PSD: variants seen among roughly 807,000 people sequenced by gnomAD.
PSD encodes the protein PH and SEC7 domain-containing protein 1.
A neutral mutation model predicts 91.6 loss-of-function variants in PSD; 32 were observed. The observed-to-expected ratio is 0.35, with a 90% CI of 0.26 to 0.47. The LOEUF is 0.47. PSD is among the 20% of genes least tolerant of loss of function. PSD has a pLI of 1.00. For missense variants in PSD, 1,099 were observed against 1,373.9 expected, an observed-to-expected ratio of 0.80 and a Z score of 3.16; for synonymous variants, 532 against 569.3, an observed-to-expected ratio of 0.93 and a Z score of 0.93.
In PSD at chr10:102,411,090, G is replaced by T; in HGVS notation, c.1969C>A (p.Leu657Ile). The change falls in exon 9 of 17, where the codon CTC (leucine) becomes ATC (isoleucine). Residue 657 changes from leucine (L) to isoleucine (I), a missense_variant. Transcript: ENST00000020673. Reference protein sequence around the residue: ...EDGAHTLTCALMLLNTDLHGH... With the variant: ...EDGAHTLTCAIMLLNTDLHGH... ...TGGAGATCCGTGTTGAGCAGCATGA[G>T]CGCACAGGTCAGCGTGTGGGCGCCG... 2.5e-6 allele frequency: 4 copies of T among 1,611,620 alleles called. No individual in the cohort carries two copies. Among genetic ancestry groups the T allele is most frequent in the Non-Finnish European group, 3.4e-6 (4 of 1,178,150 alleles).
Position 102,416,851 on chromosome 10 carries a change from A to G in PSD, c.188T>C (p.Val63Ala). 6.2e-7 allele frequency: 1 copy of G among 1,600,556 alleles called. No homozygotes were observed. Among genetic ancestry groups the G allele is most frequent in the South Asian group, 1.1e-5 (1 of 88,834 alleles). ...ACGCAGAGGTGTACAGGGTGCTGTCACACGTCCCAGTTCCCGGCCTCGAGG... is the reference window on the plus strand; with the variant it reads ...ACGCAGAGGTGTACAGGGTGCTGTCGCACGTCCCAGTTCCCGGCCTCGAGG... ...PGPRGRELGR[V>A]TAPCTPLRGP... is the part of the protein sequence containing the mutation. The change falls in exon 2 of 17, where the codon GTG (valine) becomes GCG (alanine). Residue 63 changes from valine to alanine, a missense_variant. Physicochemically the swap from Val to Ala is moderately conservative, Grantham distance 64 (BLOSUM62 0). Coordinates refer to ENST00000020673, the MANE Select transcript of PSD (RefSeq NM_002779.5). The surrounding 1 kb of genome is among the most constrained non-coding windows in gnomAD (Gnocchi z 6.0).
At chr10:102,412,676 G>A in intron 5 of PSD, 101 bp from the exon 6 acceptor site, 2 of 1,013,650 alleles carry the variant, frequency 2.0e-6, no homozygotes, top group Non-Finnish European at 2.8e-6. Context: ...AGGGGAGGGA[G>A]TGGAGGGACA....
chr10:102,416,578 G>A lies in PSD; in HGVS notation c.461C>T (p.Ser154Phe). 1 of 1,596,136 alleles carries A rather than the reference G, an allele frequency of 6.3e-7. No homozygotes were observed. Among genetic ancestry groups the A allele is most frequent in the Non-Finnish European group, 8.5e-7 (1 of 1,170,660 alleles). ...GSNRKLRLEASTSDPLPARGG... is the reference protein window; with the variant it reads ...GSNRKLRLEAFTSDPLPARGG... ...TCTGGCGGGGAGTGGGTCTGATGTG[G>A]ATGCTTCCAGCCGTAACTTCCGGTT... is the stretch of plus-strand genomic sequence containing the variant. Residue 154 changes from serine (S) to phenylalanine (F), a missense_variant, in exon 2 of 17, where the codon TCC (serine) becomes TTC (phenylalanine). Transcript: ENST00000020673. This position sits in a 1 kb window ranked among gnomAD's most constrained non-coding sequence, Gnocchi z 6.0.
upstream of PSD, chr10:102,418,850 A>T: frequency 2.9e-6 from 1 of 347,394 alleles, no homozygotes; most frequent in South Asian, 2.0e-5. Context: ...GGCAACGCTA[A>T]TCCCCCCCAC....
chr10:102,413,423 G>A, intron 5 of PSD, among the ~76,000 whole-genome samples: 1 of 152,148 alleles, frequency 6.6e-6, no homozygotes, highest in Non-Finnish European at 1.5e-5. Context: ...CCTTCAGGCT[G>A]GGTGAGGGTA....
chr10:102,405,710 G>A lies in PSD; in HGVS notation c.2136-174C>T, dbSNP rs1001526280. The A allele has an allele frequency of 5.1e-5, 32 of 633,628 alleles. No homozygotes were observed. Among genetic ancestry groups the A allele is most frequent in the Non-Finnish European group, 7.6e-5 (28 of 368,828 alleles). 39.3% of individuals were successfully genotyped at this position (633,628 alleles called of 1,614,324 possible). Reference sequence around the variant, plus strand: ...TCAGGCCTCCACAATGTGTAGCTGTGCCTCCTCAGAGCAGGGCACCTCCCT... The same window carrying A: ...TCAGGCCTCCACAATGTGTAGCTGTACCTCCTCAGAGCAGGGCACCTCCCT... On this transcript the variant is annotated intron_variant, in intron 11 of 16. Transcript: ENST00000020673. The surrounding 1 kb of genome is among the most constrained non-coding windows in gnomAD (Gnocchi z 5.4).
In PSD at chr10:102,411,074, G is replaced by A; in HGVS notation, c.1985C>T (p.Thr662Met). 2 of 1,612,698 alleles carry A rather than the reference G, an allele frequency of 1.2e-6. No individual in the cohort carries two copies. Among genetic ancestry groups the A allele is most frequent in the Non-Finnish European group, 1.7e-6 (2 of 1,179,012 alleles). Reference protein sequence around the residue: ...TLTCALMLLNTDLHGHNIGKR... With the variant: ...TLTCALMLLNMDLHGHNIGKR... ...TCCACTCACATGGCCGTGGAGATCCGTGTTGAGCAGCATGAGCGCACAGGT... is the reference window on the plus strand; with the variant it reads ...TCCACTCACATGGCCGTGGAGATCCATGTTGAGCAGCATGAGCGCACAGGT... The change falls in exon 9 of 17, where the codon ACG becomes ATG. Residue 662 changes from threonine (T) to methionine (M), a missense_variant. Transcript: ENST00000020673.
At position 102,410,861 on chromosome 10, in the gene PSD, G is replaced by C. The variant is rs773343778; in HGVS notation, c.2088C>G (p.Leu696=). 4 of 1,611,930 alleles carry C rather than the reference G, an allele frequency of 2.5e-6. No individual in the cohort carries two copies. The highest frequency in any genetic ancestry group is 2.7e-5 in the African/African-American group (2 of 74,706). ...TCTACCCTGCCCCGCCCCCCACCTT[G>C]AGCAGCTCCCTAGGGAAGTCGCCGC... is the stretch of plus-strand genomic sequence containing the variant. ...NDGGDFPREL[L]KALYSSIKNE... The change falls in exon 10 of 17, where the codon CTC becomes CTG. Residue 696 remains leucine, a synonymous_variant. Coordinates refer to ENST00000020673, the MANE Select transcript of PSD (RefSeq NM_002779.5). The surrounding 1 kb of genome is among the most constrained non-coding windows in gnomAD (Gnocchi z 6.0).
At chr10:102,418,640 C>T (rs1388527212) in intron 1 of PSD, 61 bp downstream of exon 1, 1 of 445,832 alleles carries the variant, frequency 2.2e-6, no homozygotes, top group Non-Finnish European at 4.6e-6. Flanking sequence ...GTTCCGGAAG[C>T]TCAACGGGGT....
In PSD at chr10:102,409,921, G is replaced by A. The variant is rs920133153; in HGVS notation, c.2091+937C>T. On this transcript the variant is annotated intron_variant, in intron 10 of 16. Transcript: ENST00000020673. The surrounding 1 kb of genome is among the most constrained non-coding windows in gnomAD (Gnocchi z 5.7). Reference sequence around the variant, plus strand: ...CCAACTCAAACACACACTCTGAATCGTAAGCCCTAAAGCACAAACACACCA... The same window carrying A: ...CCAACTCAAACACACACTCTGAATCATAAGCCCTAAAGCACAAACACACCA... 7.9e-5 allele frequency among the ~76,000 whole-genome samples: 12 copies of A among 152,014 alleles called. No homozygotes were observed. Among genetic ancestry groups the A allele is most frequent in the African/African-American group, 2.4e-4 (10 of 41,358 alleles).
chr10:102,408,135 C>T (rs571704533), intron 10 of PSD, among the ~76,000 whole-genome samples: 24 of 152,308 alleles, frequency 1.6e-4, no homozygotes, highest in East Asian at 1.2e-3. Context: ...GGGGTACTTC[C>T]GTCAGCCTGT....
rs2061353654 is a variant in PSD, at chr10:102,405,746, C to T, written c.2136-210G>A. On this transcript the variant is annotated intron_variant, in intron 11 of 16. Coordinates refer to ENST00000020673, the MANE Select transcript of PSD (RefSeq NM_002779.5). This position sits in a 1 kb window ranked among gnomAD's most constrained non-coding sequence, Gnocchi z 5.4. ...GCAGGGCACCTCCCTCAGAGCTCCCCAGCCTAGAGCCACCACTGTCCCTTC... is the reference window on the plus strand; with the variant it reads ...GCAGGGCACCTCCCTCAGAGCTCCCTAGCCTAGAGCCACCACTGTCCCTTC... 2 of 576,984 alleles carry T rather than the reference C, an allele frequency of 3.5e-6. No individual in the cohort carries two copies. The highest frequency in any genetic ancestry group is 1.9e-5 in the African/African-American group (1 of 53,538). 35.7% of individuals were successfully genotyped at this position (576,984 alleles called of 1,614,324 possible). A position where few individuals can be genotyped will look rare whatever the true frequency, so the allele number is the denominator to read the frequency against.
rs140240917 is a variant in PSD at position 102,413,924 on chromosome 10, C to T, written c.1398G>A (p.Pro466=). The part of the protein sequence containing the change: ...PAPAPLAPLE[P]DSGTSSAADG... ...CAGCAGCAGAGCTGGTACCAGAATC[C>T]GGTTCAAGAGGGGCAAGTGGGGCGG... Residue 466 remains proline (P), a synonymous_variant, in exon 5 of 17, where the codon CCG becomes CCA. Transcript: ENST00000020673. 1.9e-5 allele frequency: 31 copies of T among 1,605,716 alleles called. No individual in the cohort carries two copies. In the East Asian group the frequency reaches 5.6e-4, roughly 29 times the overall value.
At chr10:102,407,011 T>C (rs1307555144) in intron 11 of PSD, among the ~76,000 whole-genome samples, 5 of 152,050 alleles carry the variant, frequency 3.3e-5, no homozygotes, top group Non-Finnish European at 7.4e-5. Flanking sequence ...CCCAACCCAC[T>C]TGTCATAACA....
rs1350029732 is a variant in PSD at position 102,409,918 on chromosome 10, A to G, written c.2091+940T>C. The stretch of plus-strand genomic sequence containing the variant: ...ACCCCAACTCAAACACACACTCTGA[A>G]TCGTAAGCCCTAAAGCACAAACACA... On this transcript the variant is annotated intron_variant, in intron 10 of 16. Transcript: ENST00000020673. This position sits in a 1 kb window ranked among gnomAD's most constrained non-coding sequence, Gnocchi z 5.7. Among the ~76,000 whole-genome samples, 1 of 152,128 alleles carries G rather than the reference A, an allele frequency of 6.6e-6. No individual in the cohort carries two copies. Among genetic ancestry groups the G allele is most frequent in the Non-Finnish European group, 1.5e-5 (1 of 68,018 alleles).
chr10:102,405,583 C>T lies in PSD; in HGVS notation c.2136-47G>A. On this transcript the variant is annotated intron_variant, in intron 11 of 16. Transcript: ENST00000020673. The surrounding 1 kb of genome is among the most constrained non-coding windows in gnomAD (Gnocchi z 5.4). ...AGGGGGCTGGCCATGGAGCCGCGGC[C>T]CCCGCTTCAGTTCTGGCCTCTGCTC... 4 of 1,556,700 alleles carry T rather than the reference C, an allele frequency of 2.6e-6. No homozygotes were observed. Among genetic ancestry groups the T allele is most frequent in the Non-Finnish European group, 3.5e-6 (4 of 1,144,566 alleles).
chr10:102,404,935 G>A lies in PSD; in HGVS notation c.2518C>T (p.Arg840Cys). ...YSKRPHVFYLRTADWRVFLFQ... is the reference protein window; with the variant it reads ...YSKRPHVFYLCTADWRVFLFQ... ...AGGAAGACCCGCCAGTCAGCTGTGC[G>A]CAGGTAGAAGACGTGGGGCCTCTTG... Residue 840 changes from arginine (R) to cysteine (C), a missense_variant, in exon 14 of 17, where the codon CGC (arginine) becomes TGC (cysteine). Around this residue, in one of 3 missense-constraint regions of PSD, gnomAD observed 358 missense variants for 426.5 expected, o/e 0.84. Transcript: ENST00000020673. This position sits in a 1 kb window ranked among gnomAD's most constrained non-coding sequence, Gnocchi z 5.7. 1.9e-6 allele frequency: 3 copies of A among 1,613,956 alleles called. No individual in the cohort carries two copies. Among genetic ancestry groups the A allele is most frequent in the Non-Finnish European group, 2.5e-6 (3 of 1,179,930 alleles).
Position 102,416,908 on chromosome 10 carries a change from C to G in PSD, c.131G>C (p.Gly44Ala). 3 of 1,607,648 alleles carry G rather than the reference C, an allele frequency of 1.9e-6. No homozygotes were observed. Among genetic ancestry groups the G allele is most frequent in the South Asian group, 1.1e-5 (1 of 90,670 alleles). Reference sequence around the variant, plus strand: ...ACCTGCCACTCGCCGTAGCAAGGAGCCTGTGCTGCCATACATGCTGGCTGG... The same window carrying G: ...ACCTGCCACTCGCCGTAGCAAGGAGGCTGTGCTGCCATACATGCTGGCTGG... ...SPPASMYGST[G>A]SLLRRVAGPG... The change falls in exon 2 of 17, where the codon GGC (glycine) becomes GCC (alanine). Residue 44 changes from glycine (G) to alanine (A), a missense_variant. Physicochemically the swap from Gly to Ala is moderately conservative, Grantham distance 60 (BLOSUM62 0). Transcript: ENST00000020673. The surrounding 1 kb of genome is among the most constrained non-coding windows in gnomAD (Gnocchi z 6.0).
chr10:102,414,894 C>T lies in PSD; in HGVS notation c.1093G>A (p.Asp365Asn), dbSNP rs749580400. ...CCTTCAGAGGCCTCAAACACCTCGT[C>T]GTCCACATCTTCTTCCCCACCTGCC... is the stretch of plus-strand genomic sequence containing the variant. ...DEAGGEEDVD[D>N]EVFEASEGAR... The change falls in exon 4 of 17, where the codon GAC becomes AAC. Residue 365 changes from aspartate to asparagine, a missense_variant. Transcript: ENST00000020673. The surrounding 1 kb of genome is among the most constrained non-coding windows in gnomAD (Gnocchi z 5.6). 21 of 1,504,952 alleles carry T rather than the reference C, an allele frequency of 1.4e-5. No homozygotes were observed. The highest frequency in any genetic ancestry group is 2.3e-5 in the East Asian group (1 of 43,622). 93.2% of individuals were successfully genotyped at this position (1,504,952 alleles called of 1,614,324 possible). A position where few individuals can be genotyped will look rare whatever the true frequency, so the allele number is the denominator to read the frequency against.
Sources: gnomAD v4.1 joint callset for allele counts (sites outside exome capture counted in the v4.1 genomes callset) on GRCh38, gnomAD v4.1.1 for gene constraint, gnomAD v4.1.1 regional missense constraint, Gnocchi (gnomAD v3.1) non-coding constraint, MANE v1.5 for transcripts, NCBI Gene and HGNC (gene_info 2026-07-23, HGNC 2026-07-21) for gene names.